STPG2: variants seen among roughly 807,000 people sequenced by gnomAD.
The protein encoded by STPG2 is sperm tail PG-rich repeat containing 2.
In STPG2, 56 loss-of-function variants were observed where a neutral mutation model predicts 54.2. That is an observed-to-expected ratio of 1.03 (90% confidence interval 0.83 to 1.29). The LOEUF (loss-of-function observed/expected upper bound fraction) is 1.29, where lower values mean the gene tolerates loss of function less well. STPG2 is among the 50% of genes most tolerant of loss of function. The pLI is 0.00. For missense variants in STPG2, 596 were observed against 544.9 expected (o/e 1.09, Z -0.93); for synonymous variants, 200 against 181.8 (o/e 1.10, Z -0.81).
chr4:97,528,183 G>A (rs1172901347), intron 4 of STPG2, among the ~76,000 whole-genome samples: 3 of 152,100 alleles, frequency 2.0e-5, no homozygotes, highest in Non-Finnish European at 4.4e-5. Context: ...TGTATAAGGT[G>A]TAAGAAACGG....
At chr4:97,923,992 C>A (rs534493819) in intron 8 of STPG2, among the ~76,000 whole-genome samples, 1 of 152,166 alleles carries the variant, frequency 6.6e-6, no homozygotes, top group Non-Finnish European at 1.5e-5. Flanking sequence ...CAGTGGCAAC[C>A]CACTTGGGTC....
At chr4:98,007,278 AAGCTGTGAGCC>A (rs928805430) in intron 5 of STPG2, among the ~76,000 whole-genome samples, 9 of 152,194 alleles carry the variant, frequency 5.9e-5, no homozygotes, top group African/African-American at 2.2e-4. Context: ...GCTTCTCAGG[AAGCTGTGAGCC>A]TGCTCACCCG....
chr4:97,781,242 A>G (rs1158489885), intron 9 of STPG2, among the ~76,000 whole-genome samples: 1 of 152,214 alleles, frequency 6.6e-6, no homozygotes, highest in Non-Finnish European at 1.5e-5. Flanking sequence ...AAAACGATAA[A>G]GGAGATATCA....
intron 9 of STPG2, among the ~76,000 whole-genome samples, chr4:97,773,664 A>G (rs1726284328): frequency 6.6e-6 from 1 of 152,190 alleles, no homozygotes; most frequent in African/African-American, 2.4e-5. Flanking sequence ...ATTTTATCCT[A>G]AAATTACTAT....
intron 8 of STPG2, among the ~76,000 whole-genome samples, chr4:97,932,319 A>C (rs1442247754): frequency 6.6e-6 from 1 of 151,678 alleles, no homozygotes; most frequent in African/African-American, 2.4e-5. Flanking sequence ...TAATTTTTCA[A>C]GTTGTGAAGT....
chr4:97,601,860 T>A (rs1172612589), intron 10 of STPG2, among the ~76,000 whole-genome samples: 3 of 152,034 alleles, frequency 2.0e-5, no homozygotes, highest in Admixed American at 1.3e-4. Flanking sequence ...AGTTACTAAA[T>A]TTATAGATCA....
chr4:98,130,444 A>C (rs1212381913), intron 2 of STPG2, among the ~76,000 whole-genome samples: 1 of 152,098 alleles, frequency 6.6e-6, no homozygotes, highest in Non-Finnish European at 1.5e-5. Context: ...TGGCCTCCCA[A>C]AGTGCTAGGA....
At chr4:97,699,514 A>G (rs1455157278) in intron 10 of STPG2, among the ~76,000 whole-genome samples, 1 of 152,190 alleles carries the variant, frequency 6.6e-6, no homozygotes, top group African/African-American at 2.4e-5. Flanking sequence ...GTCCCTGACC[A>G]TCCAGCCAAA....
intron 9 of STPG2, among the ~76,000 whole-genome samples, chr4:97,817,883 T>C (rs893926938): frequency 3.9e-5 from 6 of 151,900 alleles, no homozygotes; most frequent in Non-Finnish European, 8.8e-5. Flanking sequence ...TGAAGGTCAG[T>C]AGAAGAGCTG....
intron 8 of STPG2, among the ~76,000 whole-genome samples, chr4:97,903,422 G>C (rs1031969309): frequency 2.0e-5 from 3 of 149,098 alleles, no homozygotes; most frequent in African/African-American, 7.4e-5. Context: ...CAAAAATCAA[G>C]TATCTAAGCA....
intron 10 of STPG2, among the ~76,000 whole-genome samples, chr4:97,616,087 T>TAC (rs1733865056): frequency 1.2e-5 from 1 of 83,314 alleles, no homozygotes; most frequent in Non-Finnish European, 2.8e-5. Flanking sequence ...TATATATATA[T>TAC]ATATATATGT....
In STPG2 at chr4:98,086,957, A is replaced by C. The variant is rs538041959; in HGVS notation, c.612+18996T>G. Among the ~76,000 whole-genome samples the C allele has an allele frequency of 2.6e-5, 4 of 152,370 alleles. No homozygotes were observed. In the South Asian group the frequency reaches 8.3e-4, roughly 32 times the overall value. On this transcript the variant is annotated intron_variant, in intron 5 of 10. Transcript: ENST00000295268. The stretch of plus-strand genomic sequence containing the variant: ...ATAGAATTTTTTTGCAAATTACAAA[A>C]TAATATCTGATATAGAATAGTATCG...
chr4:98,000,100 C>T (rs1383043446), intron 5 of STPG2, among the ~76,000 whole-genome samples: 3 of 152,112 alleles, frequency 2.0e-5, no homozygotes, highest in African/African-American at 7.2e-5. Context: ...AGACTCTACT[C>T]TAATATAATC....
rs1477681306 is a variant in STPG2 at position 97,872,618 on chromosome 4, AG to A, written c.1045-31687del. ...AAATATTTCTGAAATATGCAAAATTAGATTTCAAAATATGGAAAGATATCTT... is the reference window on the plus strand; with the variant it reads ...AAATATTTCTGAAATATGCAAAATTAATTTCAAAATATGGAAAGATATCTT... On this transcript the variant is annotated intron_variant, in intron 8 of 10. Transcript: ENST00000295268. Among the ~76,000 whole-genome samples, 3 of 151,398 alleles carry A rather than the reference AG, an allele frequency of 2.0e-5. No homozygotes were observed. The East Asian group carries it at 5.8e-4, about 29-fold the overall frequency.
At chr4:98,118,640 G>A (rs1339311840) in intron 3 of STPG2, among the ~76,000 whole-genome samples, 3 of 152,148 alleles carry the variant, frequency 2.0e-5, no homozygotes, top group Admixed American at 6.6e-5. Context: ...CATGTACCTA[G>A]TATACAGATC....
chr4:97,737,047 G>A (rs1164694945), intron 9 of STPG2, among the ~76,000 whole-genome samples: 2 of 152,176 alleles, frequency 1.3e-5, no homozygotes, highest in Non-Finnish European at 2.9e-5. Flanking sequence ...AGCATTCGCG[G>A]TTCACAAAAA....
intron 9 of STPG2, among the ~76,000 whole-genome samples, chr4:97,811,142 A>C (rs960843286): frequency 3.3e-5 from 5 of 152,148 alleles, no homozygotes; most frequent in African/African-American, 1.2e-4. Context: ...GATGGGTAAT[A>C]AGGGATGTTT....
At chr4:98,118,443 C>G (rs370027596) in intron 3 of STPG2, among the ~76,000 whole-genome samples, 15 of 152,182 alleles carry the variant, frequency 9.9e-5, no homozygotes, top group African/African-American at 3.1e-4. Context: ...ATAATGGGAG[C>G]TAGGTTTCTT....
chr4:97,899,526 C>T (rs1203723220), intron 8 of STPG2, among the ~76,000 whole-genome samples: 6 of 151,560 alleles, frequency 4.0e-5, no homozygotes, highest in Non-Finnish European at 7.4e-5. Context: ...TAATTCTAAG[C>T]AAAAAGAACA....
Sources: gnomAD v4.1 joint callset for allele counts (sites outside exome capture counted in the v4.1 genomes callset) on GRCh38, gnomAD v4.1.1 for gene constraint, MANE v1.5 for transcripts, NCBI Gene and HGNC (gene_info 2026-07-23, HGNC 2026-07-21) for gene names.